The following GRIN2B variants were observed in gnomAD, a reference collection of about 807,000 sequenced individuals.
GRIN2B encodes glutamate receptor ionotropic, NMDA 2B.
In GRIN2B, 5 loss-of-function variants were observed where a neutral mutation model predicts 114.5. The observed-to-expected ratio is 0.04, with a 90% CI of 0.02 to 0.09. The LOEUF (loss-of-function observed/expected upper bound fraction) is 0.09, where lower values mean the gene tolerates loss of function less well. GRIN2B is among the 10% of genes least tolerant of loss of function. GRIN2B has a pLI of 1.00. For synonymous variants in GRIN2B, 787 were observed against 745.1 expected (o/e 1.06, Z -0.92); for missense variants, 1,108 against 1,943.5 (o/e 0.57, Z 8.08).
intron 3 of GRIN2B, among the ~76,000 whole-genome samples, chr12:13,762,607 T>C (rs1863699595): frequency 6.6e-6 from 1 of 152,262 alleles, no homozygotes; most frequent in Non-Finnish European, 1.5e-5. Context: ...ATTTTATATT[T>C]GATTAAGCTA....
At chr12:13,920,348 C>T (rs1353871632) in intron 2 of GRIN2B, among the ~76,000 whole-genome samples, 1 of 151,878 alleles carries the variant, frequency 6.6e-6, no homozygotes, top group Non-Finnish European at 1.5e-5. Flanking sequence ...ACGCTTCTCA[C>T]AGAAGCATCA....
chr12:13,944,663 A>C (rs1373528900), intron 2 of GRIN2B, among the ~76,000 whole-genome samples: 1 of 152,248 alleles, frequency 6.6e-6, no homozygotes, highest in African/African-American at 2.4e-5. Context: ...TGAGCATCAG[A>C]AAAGTGCAAC....
intron 2 of GRIN2B, among the ~76,000 whole-genome samples, chr12:13,877,837 C>T (rs779618134): frequency 6.6e-6 from 1 of 151,924 alleles, no homozygotes; most frequent in Non-Finnish European, 1.5e-5. Flanking sequence ...CGGAAGCAGG[C>T]GGATCACTTG....
intron 2 of GRIN2B, among the ~76,000 whole-genome samples, chr12:13,949,979 T>C (rs1867450180): frequency 6.6e-6 from 1 of 152,156 alleles, no homozygotes; most frequent in South Asian, 2.1e-4. Context: ...GTAAACATTA[T>C]AGAACAGGCA....
intron 5 of GRIN2B, among the ~76,000 whole-genome samples, chr12:13,628,531 T>C (rs929844040): frequency 7.9e-5 from 12 of 152,244 alleles, no homozygotes; most frequent in Admixed American, 6.5e-5. Flanking sequence ...CTCTCAGATA[T>C]AGCTCAGGAC....
At chr12:13,962,109 C>T (rs980617128) in intron 2 of GRIN2B, among the ~76,000 whole-genome samples, 3 of 151,980 alleles carry the variant, frequency 2.0e-5, no homozygotes, top group African/African-American at 7.2e-5. Context: ...CACACACACA[C>T]ACACACACAC....
At chr12:13,833,426 G>C (rs961529836) in intron 3 of GRIN2B, among the ~76,000 whole-genome samples, 2 of 152,090 alleles carry the variant, frequency 1.3e-5, no homozygotes, top group South Asian at 4.1e-4. Flanking sequence ...GCTTATTCCA[G>C]TTTTGCTCTC....
chr12:13,714,344 T>C (rs1451535146), intron 4 of GRIN2B, among the ~76,000 whole-genome samples: 3 of 151,898 alleles, frequency 2.0e-5, no homozygotes, highest in African/African-American at 7.2e-5. Context: ...AAATAGTCCA[T>C]GACAGAGGCT....
intron 2 of GRIN2B, among the ~76,000 whole-genome samples, chr12:13,898,327 T>A (rs145053934): frequency 6.0e-4 from 91 of 152,376 alleles, no homozygotes; most frequent in African/African-American, 2.1e-3. Flanking sequence ...CCAGCCACTA[T>A]GCTGTGTGAT....
In GRIN2B at chr12:13,740,434, T is replaced by C. The variant is rs187966026; in HGVS notation, c.1010+12883A>G. 4.6e-5 allele frequency among the ~76,000 whole-genome samples: 7 copies of C among 152,188 alleles called. No individual in the cohort carries two copies. In the East Asian group the frequency reaches 9.7e-4, roughly 21 times the overall value. On this transcript the variant is annotated intron_variant, in intron 4 of 13. Coordinates refer to ENST00000609686, the MANE Select transcript of GRIN2B (RefSeq NM_000834.5). ...TGAATTAAGAATGAATGTAATTTTG[T>C]GAAGTGCAGAAAAGTGGGCCCCACA...
intron 2 of GRIN2B, among the ~76,000 whole-genome samples, chr12:13,928,717 A>T (rs1478869648): frequency 6.6e-6 from 1 of 152,246 alleles, no homozygotes; most frequent in Non-Finnish European, 1.5e-5. Flanking sequence ...GAGGTATTCA[A>T]CTTTTATCTT....
intron 2 of GRIN2B, among the ~76,000 whole-genome samples, chr12:13,919,636 T>C (rs1431209113): frequency 1.3e-5 from 2 of 152,252 alleles, no homozygotes; most frequent in Non-Finnish European, 2.9e-5. Context: ...AAACTAAGTC[T>C]TTGGGTTTAC....
intron 4 of GRIN2B, among the ~76,000 whole-genome samples, chr12:13,693,433 C>T (rs1950231622): frequency 6.6e-6 from 1 of 151,948 alleles, no homozygotes; most frequent in Non-Finnish European, 1.5e-5. Context: ...ACCTTATAGC[C>T]CTTCCTCTAC....
At chr12:13,845,836 G>A (rs1164358572) in intron 3 of GRIN2B, among the ~76,000 whole-genome samples, 1 of 152,136 alleles carries the variant, frequency 6.6e-6, no homozygotes, top group East Asian at 1.9e-4. Flanking sequence ...CATTCTCTTT[G>A]CAACCTTTTA....
At chr12:13,868,141 C>G (rs905368474) in intron 2 of GRIN2B, among the ~76,000 whole-genome samples, 2 of 152,120 alleles carry the variant, frequency 1.3e-5, no homozygotes, top group African/African-American at 4.8e-5. Flanking sequence ...TCCTTCAACA[C>G]TGCCAAGAAG....
rs138957804 is a variant in GRIN2B, at chr12:13,847,434, A to G, written c.411+18364T>C. ...AACCAACTGAACCAACTGGCCACAG[A>G]CAATAAAGCTAATGTTTGATAGCTC... On this transcript the variant is annotated intron_variant, in intron 3 of 13. Transcript: ENST00000609686. Among the ~76,000 whole-genome samples, 220 of 152,278 alleles carry G rather than the reference A, an allele frequency of 1.4e-3. 1 individual carries two copies. Among genetic ancestry groups the G allele is most frequent in the African/African-American group, 4.8e-3 (200 of 41,550 alleles).
Position 13,567,011 on chromosome 12 carries a change from A to C in GRIN2B, c.2598+14T>G. 1 of 1,582,732 alleles carries C rather than the reference A, an allele frequency of 6.3e-7. No individual in the cohort carries two copies. Among genetic ancestry groups the C allele is most frequent in the African/African-American group, 1.3e-5 (1 of 74,478 alleles). Reference sequence around the variant, plus strand: ...TCCCTAACAAGCTTTAGGCATTTAAATCAAAACACTTACTCTGCTGATGGA... The same window carrying C: ...TCCCTAACAAGCTTTAGGCATTTAACTCAAAACACTTACTCTGCTGATGGA... On this transcript the variant is annotated intron_variant, in intron 13 of 13. Transcript: ENST00000609686.
Position 13,815,180 on chromosome 12 carries a change from A to G in GRIN2B, c.411+50618T>C, listed in dbSNP as rs1372094380. The stretch of plus-strand genomic sequence containing the variant: ...GAACCATCAGTGGCCGAATAAATGA[A>G]AGAATAGATGACTAAATATTGGTTG... On this transcript the variant is annotated intron_variant, in intron 3 of 13. Transcript: ENST00000609686. Among the ~76,000 whole-genome samples, 14 of 152,312 alleles carry G rather than the reference A, an allele frequency of 9.2e-5. No individual in the cohort carries two copies. In the East Asian group the frequency reaches 1.5e-3, roughly 17 times the overall value.
At chr12:13,688,340 C>T (rs1281612302) in intron 4 of GRIN2B, among the ~76,000 whole-genome samples, 29 of 152,130 alleles carry the variant, frequency 1.9e-4, no homozygotes, top group Non-Finnish European at 2.9e-5. Context: ...TAAATTGTCC[C>T]TGATGCCATC....
Sources: allele counts gnomAD v4.1 joint callset (sites outside exome capture counted in the v4.1 genomes callset), GRCh38; gene constraint gnomAD v4.1.1; transcripts MANE v1.5; gene names NCBI Gene and HGNC (gene_info 2026-07-23, HGNC 2026-07-21).